CHD1L: variants seen among roughly 807,000 people sequenced by gnomAD.
CHD1L encodes the protein ATP-dependent chromatin remodeler CHD1L.
In CHD1L, 118 loss-of-function variants were observed where a neutral mutation model predicts 115.9. The ratio of observed to expected loss-of-function variants is 1.02; its 90% CI spans 0.88 to 1.19. The LOEUF (loss-of-function observed/expected upper bound fraction) is 1.19, where lower values mean the gene tolerates loss of function less well. CHD1L is among the 50% of genes most tolerant of loss of function. The pLI is 0.00. For synonymous variants in CHD1L, 411 were observed against 387.1 expected (o/e 1.06, Z -0.72); for missense variants, 1,179 against 1,065.3 (o/e 1.11, Z -1.49).
the CHD1L span, chr1:147,184,437 A>G: frequency 9.3e-6 from 13 of 1,395,998 alleles, no homozygotes; most frequent in Non-Finnish European, 1.2e-5. This position sits in a 1 kb window ranked among gnomAD's most constrained non-coding sequence, Gnocchi z 4.4. Flanking sequence ...ATTTTTACTT[A>G]AAGTTCTTTT....
chr1:147,255,086 A>C, intron 3 of CHD1L, 110 bp downstream of exon 3: 1 of 755,680 alleles, frequency 1.3e-6, no homozygotes, highest in Non-Finnish European at 2.0e-6. Flanking sequence ...TAGTAAGTTT[A>C]TTCCAGAAAA....
chr1:147,224,799 C>A, the CHD1L span: 1 of 1,263,694 alleles, frequency 7.9e-7, no homozygotes, highest in South Asian at 1.3e-5. Context: ...CGTGTGCCAA[C>A]CGCGCCCGGC....
In CHD1L at chr1:147,268,797, C is replaced by T; in HGVS notation, c.1004C>T (p.Pro335Leu). 6.2e-7 allele frequency: 1 copy of T among 1,613,348 alleles called. No individual in the cohort carries two copies. Among genetic ancestry groups the T allele is most frequent in the Non-Finnish European group, 8.5e-7 (1 of 1,179,578 alleles). ...PYLFDGVEPE[P>L]FEVGDHLTEA... is the part of the protein sequence containing the mutation. ...TCTTTTCTAGGTGTGGAGCCGGAGC[C>T]TTTTGAAGTTGGAGACCACCTGACT... The change falls in exon 10 of 23, where the codon CCT becomes CTT. Residue 335 changes from proline (P) to leucine (L), a missense_variant. Transcript: ENST00000369258.
the CHD1L span, chr1:147,178,110 C>A: frequency 1.9e-6 from 3 of 1,571,970 alleles, no homozygotes; most frequent in African/African-American, 1.3e-5. Flanking sequence ...CCCACCTCGC[C>A]GCCATGTGCC....
the CHD1L span, among the ~76,000 whole-genome samples, chr1:147,191,613 A>T: frequency 6.6e-6 from 1 of 150,898 alleles, no homozygotes; most frequent in Non-Finnish European, 1.5e-5. Context: ...GGTTGTGAAA[A>T]TTTTTTCCCA....
At chr1:147,203,810 A>G in the CHD1L span, 5 of 1,549,382 alleles carry the variant, frequency 3.2e-6, no homozygotes, top group Non-Finnish European at 4.5e-6. Context: ...CCGAAGTACT[A>G]TGGTAGAAAT....
the CHD1L span, chr1:147,208,958 G>C: frequency 6.2e-7 from 1 of 1,613,874 alleles, no homozygotes; most frequent in Non-Finnish European, 8.5e-7. Flanking sequence ...CATATAAAAT[G>C]TGTAAGTCGA....
chr1:147,272,197 T>TC lies in CHD1L; in HGVS notation c.1187dup (p.Val397CysfsTer11). On this transcript the variant is annotated frameshift_variant, in exon 12 of 23. Coordinates refer to ENST00000369258, the MANE Select transcript of CHD1L (RefSeq NM_004284.6). LOFTEE classifies it high-confidence loss of function. ...CTACAGCTATGAGCGTGTGGATGGT[T>TC]CTGTGAGAGGAGAAGAGAGACACTT... 1 of 1,614,164 alleles carries TC rather than the reference T, an allele frequency of 6.2e-7. No individual in the cohort carries two copies. Among genetic ancestry groups the TC allele is most frequent in the Non-Finnish European group, 8.5e-7 (1 of 1,180,004 alleles).
chr1:147,216,342 A>C, the CHD1L span, among the ~76,000 whole-genome samples: 2 of 152,208 alleles, frequency 1.3e-5, no homozygotes, highest in African/African-American at 2.4e-5. Flanking sequence ...GCCAGTCCCC[A>C]AAAATTCTAC....
the CHD1L span, among the ~76,000 whole-genome samples, chr1:147,219,105 T>C: frequency 6.6e-6 from 1 of 152,188 alleles, no homozygotes; most frequent in Non-Finnish European, 1.5e-5. Flanking sequence ...AGTTAATGAA[T>C]TATGGAAATT....
chr1:147,249,208 G>A (rs1482263399), intron 1 of CHD1L, among the ~76,000 whole-genome samples: 4 of 152,030 alleles, frequency 2.6e-5, no homozygotes, highest in Non-Finnish European at 1.5e-5. Flanking sequence ...TGGATTGACA[G>A]TTCTTTTCTT....
Position 147,280,185 on chromosome 1 carries a change from G to T in CHD1L, c.1699G>T (p.Glu567Ter). 3 of 1,593,122 alleles carry T rather than the reference G, an allele frequency of 1.9e-6. No individual in the cohort carries two copies. Among genetic ancestry groups the T allele is most frequent in the Non-Finnish European group, 2.6e-6 (3 of 1,170,654 alleles). ...AGAAGGAGGGAGCAGAGATCAAGAG[G>T]AAGGAAGTAAGTTGGAGGTTAGAGC... The part of the protein sequence containing the change: ...AAEGGSRDQE[E>*]GKNHMYLFEG... The change falls in exon 15 of 23, where the codon GAA (glutamate) becomes TAA (stop). Residue 567 changes from glutamate (E) to a stop codon, truncating the protein, a stop_gained. Transcript: ENST00000369258. LOFTEE classifies it high-confidence loss of function.
chr1:147,191,620 C>T, the CHD1L span, among the ~76,000 whole-genome samples: 42 of 151,280 alleles, frequency 2.8e-4, no homozygotes, highest in Middle Eastern at 0.014. Flanking sequence ...AAAATTTTTT[C>T]CCATTTTCTT....
rs1553949357 is a variant in CHD1L, at chr1:147,267,472, T to C, written c.942T>C (p.Ile314=). ...CAAAGAAAGTTAAACTACAGAACAT[T>C]TTGTCCCAGCTTCGAAAGTGTGTGG... The part of the protein sequence containing the change: ...ETAKKVKLQN[I]LSQLRKCVDH... The change falls in exon 9 of 23, where the codon ATT becomes ATC. Residue 314 remains isoleucine, a synonymous_variant. Coordinates refer to ENST00000369258, the MANE Select transcript of CHD1L (RefSeq NM_004284.6). 8 of 1,613,174 alleles carry C rather than the reference T, an allele frequency of 5.0e-6. No homozygotes were observed. Among genetic ancestry groups the C allele is most frequent in the Non-Finnish European group, 5.9e-6 (7 of 1,179,542 alleles).
At chr1:147,256,493 A>G in intron 4 of CHD1L, 38 bp from the exon 5 acceptor site, 1 of 1,586,990 alleles carries the variant, frequency 6.3e-7, no homozygotes, top group African/African-American at 1.3e-5. Flanking sequence ...AGAGTTTATC[A>G]ATGCCAGCCT....
At chr1:147,287,527 C>T in intron 18 of CHD1L, 108 bp from the exon 19 acceptor site, 1 of 724,264 alleles carries the variant, frequency 1.4e-6, no homozygotes. Context: ...TGTTTCTTCC[C>T]TTTGAAAAAT....
chr1:147,212,602 TTG>T, the CHD1L span: 9 of 1,463,280 alleles, frequency 6.2e-6, no homozygotes, highest in African/African-American at 5.6e-5. Flanking sequence ...GTCAAGTCAT[TTG>T]TTTTTTTTGC....
chr1:147,256,320 G>A (rs1670137461), intron 4 of CHD1L, among the ~76,000 whole-genome samples: 1 of 152,006 alleles, frequency 6.6e-6, no homozygotes, highest in Admixed American at 6.6e-5. Flanking sequence ...GTCTAAGACA[G>A]TGTGTGCCAC....
chr1:147,214,495 T>A, the CHD1L span, among the ~76,000 whole-genome samples: 1 of 150,604 alleles, frequency 6.6e-6, no homozygotes, highest in Non-Finnish European at 1.5e-5. Context: ...AAACCACCCC[T>A]GCATGCACTA....
Sources: allele counts gnomAD v4.1 joint callset (sites outside exome capture counted in the v4.1 genomes callset), GRCh38; gene constraint gnomAD v4.1.1; non-coding constraint Gnocchi (gnomAD v3.1); transcripts MANE v1.5; gene names NCBI Gene and HGNC (gene_info 2026-07-23, HGNC 2026-07-21).